The following PCDHA1 variants were observed in gnomAD, a reference collection of about 807,000 sequenced individuals.
The protein encoded by PCDHA1 is protocadherin alpha 1, also known as protocadherin alpha-1.
Under a neutral mutation model 61.3 loss-of-function variants are expected in PCDHA1, and 42 were observed. That is an observed-to-expected ratio of 0.69 (90% CI 0.54 to 0.89). The LOEUF is 0.89. PCDHA1 is among the 40% of genes least tolerant of loss of function. The pLI, the probability that PCDHA1 is intolerant of heterozygous loss-of-function variation, is 0.00. For missense variants in PCDHA1, 1,256 were observed against 1,235.3 expected (o/e 1.02, Z -0.25); for synonymous variants, 610 against 553.8 (o/e 1.10, Z -1.43).
At chr5:140,822,551 T>A (rs2150117255) in intron 1 of PCDHA1, 1 of 1,613,796 alleles carries the variant, frequency 6.2e-7, no homozygotes, top group Non-Finnish European at 8.5e-7. Context: ...AGTGGGACAT[T>A]AGTTATTAAA....
intron 1 of PCDHA1, chr5:140,817,315 G>A (rs1016861865): frequency 6.6e-6 from 1 of 152,230 alleles, no homozygotes; most frequent in East Asian, 1.9e-4. Flanking sequence ...CCCCAGAAAA[G>A]TGCCCAGCTA....
At chr5:140,997,099 A>G (rs1554255700) in intron 3 of PCDHA1, among the ~76,000 whole-genome samples, 6 of 152,108 alleles carry the variant, frequency 3.9e-5, no homozygotes. Context: ...CAGAGTTCTC[A>G]TGCACTCCTG....
chr5:140,882,262 G>A (rs907928710), intron 1 of PCDHA1: 14 of 1,605,126 alleles, frequency 8.7e-6, no homozygotes, highest in Non-Finnish European at 1.2e-5. Flanking sequence ...GGTTTTTGGA[G>A]TGTACCATGC....
At position 140,834,260 on chromosome 5, in the gene PCDHA1, C is replaced by T. The variant is rs2150214634; in HGVS notation, c.2394+45576C>T. The stretch of plus-strand genomic sequence containing the variant: ...CTTTTCGCACTGGAAAGACGCTCCA[C>T]TCTCTTTCACTCTTTGGATGCACAA... On this transcript the variant is annotated intron_variant, in intron 1 of 3. Transcript: ENST00000504120. The T allele has an allele frequency of 9.3e-6, 9 of 972,854 alleles. No homozygotes were observed. In the South Asian group the frequency reaches 1.5e-4, roughly 16 times the overall value. 60.3% of individuals were successfully genotyped at this position (972,854 alleles called of 1,614,324 possible).
At chr5:140,796,239 G>T (rs1554119778) in intron 1 of PCDHA1, 2 of 1,614,168 alleles carry the variant, frequency 1.2e-6, no homozygotes, top group Non-Finnish European at 1.7e-6. Context: ...AGCTGGTGGT[G>T]ACCGCACGGG....
At chr5:140,861,554 C>G (rs1023234694) in intron 1 of PCDHA1, 16 of 398,878 alleles carry the variant, frequency 4.0e-5, no homozygotes, top group African/African-American at 3.3e-4. Flanking sequence ...TGGAAGTGAT[C>G]GTGGACAAGC....
chr5:140,851,063 G>T, intron 1 of PCDHA1: 3 of 1,372,672 alleles, frequency 2.2e-6, no homozygotes, highest in Non-Finnish European at 2.9e-6. Flanking sequence ...TTGACTTCTA[G>T]TGAGAATTAT....
chr5:140,949,798 A>G (rs1021470816), intron 1 of PCDHA1, among the ~76,000 whole-genome samples: 1 of 151,786 alleles, frequency 6.6e-6, no homozygotes, highest in South Asian at 2.1e-4. Context: ...GTGTCCTTCA[A>G]TACATTATTT....
intron 1 of PCDHA1, among the ~76,000 whole-genome samples, chr5:140,955,489 A>G (rs1554221953): frequency 1.3e-5 from 2 of 152,114 alleles, no homozygotes; most frequent in Non-Finnish European, 2.9e-5. Context: ...CCTTCCTGCC[A>G]CCATGTGAAG....
At chr5:140,850,843 CA>C in intron 1 of PCDHA1, 1 of 1,597,346 alleles carries the variant, frequency 6.3e-7, no homozygotes, top group Non-Finnish European at 8.6e-7. Flanking sequence ...GCTGGATCTA[CA>C]GAGCGAACGG....
chr5:140,792,271 CTTTTA>C (rs1554118777), intron 1 of PCDHA1, among the ~76,000 whole-genome samples: 1 of 151,884 alleles, frequency 6.6e-6, no homozygotes, highest in Non-Finnish European at 1.5e-5. Context: ...CTTTTTCTGT[CTTTTA>C]TAAGGGGCAA....
Position 141,009,722 on chromosome 5 carries a change from G to A in PCDHA1, c.2638G>A (p.Gly880Ser), listed in dbSNP as rs552954748. ...KYGPGNPKQSGPGELPDKFII... is the reference protein window; with the variant it reads ...KYGPGNPKQSSPGELPDKFII... ...CGGACCAGGCAACCCCAAACAATCC[G>A]GTCCCGGTGAGTTGCCCGACAAATT... The change falls in exon 4 of 4, where the codon GGT (glycine) becomes AGT (serine). Residue 880 changes from glycine (G) to serine (S), a missense_variant. Gly to Ser is a moderately conservative substitution (Grantham distance 56). Transcript: ENST00000504120. 5.2e-5 allele frequency: 84 copies of A among 1,614,140 alleles called. No homozygotes were observed. The South Asian group carries it at 6.7e-4, about 13-fold the overall frequency.
At chr5:140,829,915 G>A (rs2150177700) in intron 1 of PCDHA1, 2 of 1,613,890 alleles carry the variant, frequency 1.2e-6, no homozygotes, top group Non-Finnish European at 1.7e-6. Context: ...CGTGGCTTTC[G>A]TATGAGCTGC....
chr5:140,832,420 A>C (rs1771976831), intron 1 of PCDHA1, among the ~76,000 whole-genome samples: 1 of 152,226 alleles, frequency 6.6e-6, no homozygotes, highest in African/African-American at 2.4e-5. Flanking sequence ...TTCTAAAAGA[A>C]GTACATGATA....
At chr5:140,790,248 T>C (rs1761575516) in intron 1 of PCDHA1, among the ~76,000 whole-genome samples, 1 of 152,230 alleles carries the variant, frequency 6.6e-6, no homozygotes. Flanking sequence ...GAAATATCCT[T>C]GATGTAGACA....
intron 1 of PCDHA1, chr5:140,883,461 T>C: frequency 2.5e-6 from 4 of 1,614,144 alleles, no homozygotes; most frequent in Non-Finnish European, 3.4e-6. Context: ...TTCAAGCTGG[T>C]GTCCACCTAC....
intron 1 of PCDHA1, among the ~76,000 whole-genome samples, chr5:140,791,320 C>T (rs1403877906): frequency 1.3e-5 from 2 of 152,200 alleles, no homozygotes; most frequent in African/African-American, 4.8e-5. Flanking sequence ...GACTCTTCTG[C>T]TATCTTTTCC....
rs1050159776 is a variant in PCDHA1, at chr5:140,795,146, C to A, written c.2394+6462C>A. On this transcript the variant is annotated intron_variant, in intron 1 of 3. Coordinates refer to ENST00000504120, the MANE Select transcript of PCDHA1 (RefSeq NM_018900.4). ...GGGCTGGAGCTGGAGGAGCTGGTGC[C>A]GCGCCTGTTCCGGGTGGCGTCCAAA... is the stretch of plus-strand genomic sequence containing the variant. The A allele has an allele frequency of 4.3e-6, 7 of 1,614,014 alleles. No individual in the cohort carries two copies. The highest frequency in any genetic ancestry group is 4.5e-5 in the East Asian group (2 of 44,880).
At chr5:140,811,525 G>A (rs1764893286) in intron 1 of PCDHA1, 1 of 151,974 alleles carries the variant, frequency 6.6e-6, no homozygotes, top group African/African-American at 2.4e-5. Flanking sequence ...TATATACCCA[G>A]TAATGGGTCA....
Sources: gnomAD v4.1 joint callset for allele counts (sites outside exome capture counted in the v4.1 genomes callset) on GRCh38, gnomAD v4.1.1 for gene constraint, MANE v1.5 for transcripts, NCBI Gene and HGNC (gene_info 2026-07-23, HGNC 2026-07-21) for gene names.